HERC3: variants seen among roughly 807,000 people sequenced by gnomAD.
HERC3 encodes the protein probable E3 ubiquitin-protein ligase HERC3.
A neutral mutation model predicts 129.9 loss-of-function variants in HERC3; 58 were observed. That is an observed-to-expected ratio of 0.45 (90% CI 0.36 to 0.56). HERC3 has a LOEUF of 0.56. Ranked by LOEUF, HERC3 falls within the 20% of genes least tolerant of loss-of-function variation. The probability of loss-of-function intolerance (pLI) is 0.00; values close to 1 mark genes in which losing one functional copy is unlikely to be tolerated. For missense variants in HERC3, 835 were observed against 1,244.2 expected (o/e 0.67, Z 4.95); for synonymous variants, 430 against 451.0 (o/e 0.95, Z 0.59).
chr4:88,693,093 A>G (rs1251796725), intron 23 of HERC3: 1 of 983,746 alleles, frequency 1.0e-6, no homozygotes. Flanking sequence ...GAATGCCCTT[A>G]ATAGTGACTG....
chr4:88,671,715 G>A (rs1227026402), intron 16 of HERC3, among the ~76,000 whole-genome samples: 1 of 151,980 alleles, frequency 6.6e-6, no homozygotes, highest in Non-Finnish European at 1.5e-5. Context: ...GTAGAGATGG[G>A]GTTTTGTGAT....
chr4:88,540,225 A>G, the HERC3 span, among the ~76,000 whole-genome samples: 27 of 152,136 alleles, frequency 1.8e-4, no homozygotes, highest in Non-Finnish European at 3.1e-4. Flanking sequence ...ACTAGAATAA[A>G]CAGTGTAGTG....
intron 23 of HERC3, among the ~76,000 whole-genome samples, chr4:88,689,487 C>T (rs1015213340): frequency 6.6e-6 from 1 of 150,938 alleles, no homozygotes; most frequent in African/African-American, 2.4e-5. Flanking sequence ...CCTCTGCACT[C>T]CAGCCTGGAC....
chr4:88,692,095 A>G (rs1372074576), intron 23 of HERC3, among the ~76,000 whole-genome samples: 2 of 152,238 alleles, frequency 1.3e-5, no homozygotes, highest in African/African-American at 2.4e-5. Flanking sequence ...TCTGTGGCTG[A>G]TTACTGGTGG....
At position 88,649,445 on chromosome 4, in the gene HERC3, C is replaced by G. The variant is rs1246070128; in HGVS notation, c.227-395C>G. Reference sequence around the variant, plus strand: ...GGGGAGAGGGTCTCATTGTTCCAGGCAGAGTTTCACTCACTCCCGCTACTT... The same window carrying G: ...GGGGAGAGGGTCTCATTGTTCCAGGGAGAGTTTCACTCACTCCCGCTACTT... On this transcript the variant is annotated intron_variant, in intron 3 of 25. Coordinates refer to ENST00000402738, the MANE Select transcript of HERC3 (RefSeq NM_014606.3). 7.2e-5 allele frequency among the ~76,000 whole-genome samples: 11 copies of G among 152,038 alleles called. 1 individual carries two copies. The highest frequency in any genetic ancestry group is 5.9e-4 in the Admixed American group (9 of 15,258).
At chr4:88,540,128 A>G in the HERC3 span, among the ~76,000 whole-genome samples, 3 of 152,248 alleles carry the variant, frequency 2.0e-5, no homozygotes, top group African/African-American at 7.2e-5. Flanking sequence ...AAGATTGGTA[A>G]TAACAAACTT....
At chr4:88,632,996 A>G (rs1726944594) in intron 3 of HERC3, among the ~76,000 whole-genome samples, 1 of 152,224 alleles carries the variant, frequency 6.6e-6, no homozygotes, top group Admixed American at 6.5e-5. Flanking sequence ...CCAGAGAAAA[A>G]CAACACATTA....
At chr4:88,686,422 C>T (rs1163287308) in intron 21 of HERC3, among the ~76,000 whole-genome samples, 1 of 152,152 alleles carries the variant, frequency 6.6e-6, no homozygotes, top group Non-Finnish European at 1.5e-5. Context: ...TGTATACACA[C>T]ACACTTGCAA....
At chr4:88,670,292 T>C in intron 16 of HERC3, 40 bp downstream of exon 16, 5 of 1,368,424 alleles carry the variant, frequency 3.7e-6, no homozygotes, top group Non-Finnish European at 5.2e-6. Flanking sequence ...TTTAGTCTTT[T>C]TATAAGAAAA....
chr4:88,524,405 G>A, the HERC3 span, among the ~76,000 whole-genome samples: 2 of 152,240 alleles, frequency 1.3e-5, no homozygotes, highest in Non-Finnish European at 2.9e-5. Context: ...ACAGGCAGAT[G>A]TGATCTGCCT....
intron 8 of HERC3, 65 bp downstream of exon 8, chr4:88,655,369 G>C (rs1729771130): frequency 1.3e-6 from 2 of 1,564,028 alleles, no homozygotes; most frequent in African/African-American, 2.7e-5. Flanking sequence ...TCTTTGTAGT[G>C]ATGAAGAATG....
intron 3 of HERC3, among the ~76,000 whole-genome samples, chr4:88,640,571 T>C (rs1164037575): frequency 6.6e-6 from 1 of 152,056 alleles, no homozygotes; most frequent in Non-Finnish European, 1.5e-5. Flanking sequence ...GTGGGGCCTT[T>C]TGGTGGGGAG....
chr4:88,693,426 T>A, intron 23 of HERC3: 1 of 972,152 alleles, frequency 1.0e-6, no homozygotes, highest in Non-Finnish European at 1.2e-6. Context: ...AGAAACATGG[T>A]GTGTATTCTT....
chr4:88,574,334 C>T, the HERC3 span, among the ~76,000 whole-genome samples: 572 of 152,274 alleles, frequency 3.8e-3, 5 homozygotes, highest in African/African-American at 0.013. Flanking sequence ...AATACAATGT[C>T]CTATCTAATG....
intron 20 of HERC3, 113 bp downstream of exon 20, chr4:88,680,349 A>C (rs1444770227): frequency 5.5e-6 from 4 of 724,284 alleles, no homozygotes; most frequent in African/African-American, 1.8e-5. Context: ...AAGGATAATA[A>C]TTCAAAATGT....
At chr4:88,624,263 C>T (rs1725852684) in intron 3 of HERC3, among the ~76,000 whole-genome samples, 2 of 152,152 alleles carry the variant, frequency 1.3e-5, no homozygotes, top group South Asian at 4.1e-4. Context: ...CATATGTTTT[C>T]ATTTTTCATG....
intron 3 of HERC3, among the ~76,000 whole-genome samples, chr4:88,607,349 G>T (rs1438306582): frequency 6.6e-6 from 1 of 152,188 alleles, no homozygotes; most frequent in East Asian, 1.9e-4. Context: ...GATGGAAGAG[G>T]ATAAGCTGGA....
At chr4:88,643,128 C>A (rs1054309889) in intron 3 of HERC3, among the ~76,000 whole-genome samples, 2 of 152,076 alleles carry the variant, frequency 1.3e-5, no homozygotes, top group Admixed American at 6.6e-5. Flanking sequence ...ATAAAAAATA[C>A]AATTTATAAT....
the HERC3 span, among the ~76,000 whole-genome samples, chr4:88,541,551 A>G: frequency 2.0e-5 from 3 of 152,326 alleles, no homozygotes; most frequent in East Asian, 5.8e-4. Flanking sequence ...AAGGTTAACA[A>G]GGATATTCAG....
Sources: gnomAD v4.1 joint callset for allele counts (sites outside exome capture counted in the v4.1 genomes callset) on GRCh38, gnomAD v4.1.1 for gene constraint, MANE v1.5 for transcripts, NCBI Gene and HGNC (gene_info 2026-07-23, HGNC 2026-07-21) for gene names.